The following KDM5A variants were observed in gnomAD, a reference collection of about 807,000 sequenced individuals.
The protein encoded by KDM5A is lysine demethylase 5A.
A neutral mutation model predicts 193.5 loss-of-function variants in KDM5A; 42 were observed. The observed-to-expected ratio is 0.22, with a 90% CI of 0.17 to 0.28. KDM5A has a LOEUF of 0.28. Ranked by LOEUF, KDM5A falls within the 10% of genes least tolerant of loss-of-function variation. The pLI is 1.00. For missense variants in KDM5A, 1,692 were observed against 2,055.1 expected, an observed-to-expected ratio of 0.82 and a Z score of 3.42; for synonymous variants, 796 against 718.1, an observed-to-expected ratio of 1.11 and a Z score of -1.73.
chr12:373,761 G>C (rs1425256544), intron 3 of KDM5A, among the ~76,000 whole-genome samples: 1 of 152,206 alleles, frequency 6.6e-6, no homozygotes. Flanking sequence ...ATGTGTCCCA[G>C]ACATTCTGGT....
intron 19 of KDM5A, among the ~76,000 whole-genome samples, chr12:316,403 C>T (rs1943651148): frequency 6.6e-6 from 1 of 152,156 alleles, no homozygotes; most frequent in African/African-American, 2.4e-5. Flanking sequence ...GGTTCTCCAT[C>T]AATACTTACC....
At chr12:368,218 T>C (rs1051819148) in intron 3 of KDM5A, among the ~76,000 whole-genome samples, 1 of 152,152 alleles carries the variant, frequency 6.6e-6, no homozygotes, top group Non-Finnish European at 1.5e-5. Context: ...AGCAAATTCA[T>C]AGAGACAGAA....
chr12:295,288 G>T (rs1322099700), intron 26 of KDM5A, among the ~76,000 whole-genome samples: 1 of 81,344 alleles, frequency 1.2e-5, no homozygotes, highest in African/African-American at 4.3e-5. Context: ...AAGGAAAGAA[G>T]AAAAAAGAAA....
chr12:360,336 G>A lies in KDM5A; in HGVS notation c.672+2627C>T, dbSNP rs529984709. ...CAGGCAGTACTTGAAATCACATGCA[G>A]ATGAGACAGCTAAGGAGAGTGAAGA... is the stretch of plus-strand genomic sequence containing the variant. On this transcript the variant is annotated intron_variant, in intron 5 of 27. Transcript: ENST00000399788. Among the ~76,000 whole-genome samples, 118 of 152,138 alleles carry A rather than the reference G, an allele frequency of 7.8e-4. 1 individual carries two copies. The highest frequency in any genetic ancestry group is 3.7e-3 in the South Asian group (18 of 4,818).
intron 10 of KDM5A, among the ~76,000 whole-genome samples, chr12:349,330 CTTTT>C (rs749540223): frequency 2.5e-5 from 3 of 117,690 alleles, no homozygotes; most frequent in Non-Finnish European, 5.2e-5. Flanking sequence ...ATCTTCTAGA[CTTTT>C]TTTTTTTTTT....
chr12:375,211 A>G (rs913819007), intron 3 of KDM5A, among the ~76,000 whole-genome samples: 2 of 152,162 alleles, frequency 1.3e-5, no homozygotes, highest in Non-Finnish European at 2.9e-5. Flanking sequence ...TTTCAGGTAC[A>G]CCAATCAGAC....
intron 1 of KDM5A, 25 bp downstream of exon 1, chr12:388,902 C>T: frequency 6.2e-7 from 1 of 1,613,638 alleles, no homozygotes; most frequent in Non-Finnish European, 8.5e-7. Flanking sequence ...TCCTTCTCCC[C>T]CTCTCTCTTC....
At chr12:331,411 A>T (rs983448266) in intron 13 of KDM5A, among the ~76,000 whole-genome samples, 2 of 152,238 alleles carry the variant, frequency 1.3e-5, no homozygotes, top group African/African-American at 4.8e-5. Context: ...AGGATTCAGA[A>T]AGAATCGACT....
In KDM5A at chr12:384,135, A is replaced by T. The variant is rs781601677; in HGVS notation, c.262T>A (p.Leu88Met). 6.3e-7 allele frequency: 1 copy of T among 1,595,216 alleles called. No individual in the cohort carries two copies. Among genetic ancestry groups the T allele is most frequent in the African/African-American group, 1.3e-5 (1 of 74,516 alleles). The change falls in exon 3 of 28, where the codon TTG (leucine) becomes ATG (methionine). Residue 88 changes from leucine to methionine, a missense_variant. Coordinates refer to ENST00000399788, the MANE Select transcript of KDM5A (RefSeq NM_001042603.3). ...NELEAMTRVRLDFLDQLAKFW... is the reference protein window; with the variant it reads ...NELEAMTRVRMDFLDQLAKFW... ...TTTGCTAGTTGATCCAAGAAATCCA[A>T]TCTCACTCTGGTCATTGCCTAAGAT...
chr12:309,639 A>T (rs1943555435), intron 22 of KDM5A, among the ~76,000 whole-genome samples, 164 bp downstream of exon 22: 3 of 152,254 alleles, frequency 2.0e-5, no homozygotes, highest in Non-Finnish European at 4.4e-5. Flanking sequence ...AACTTTTTGT[A>T]TATCTTGATT....
chr12:295,348 AAGAAAG>A (rs1321312752), intron 26 of KDM5A, among the ~76,000 whole-genome samples: 1 of 151,458 alleles, frequency 6.6e-6, no homozygotes, highest in Non-Finnish European at 1.5e-5. Context: ...AAGAGAGAGA[AAGAAAG>A]AGAAAGAGAG....
At position 341,911 on chromosome 12, in the gene KDM5A, A is replaced by G. The variant is rs76267739; in HGVS notation, c.1309-7489T>C. ...AAGACTCTGTCTCCAAAAAAAAAAA[A>G]AGAGAGAGAGAGAAATGGGGGGAAA... is the stretch of plus-strand genomic sequence containing the variant. On this transcript the variant is annotated intron_variant, in intron 10 of 27. Transcript: ENST00000399788. Among the ~76,000 whole-genome samples the G allele has an allele frequency of 5.4e-3, 776 of 143,330 alleles. 4 individuals are homozygous for G. Among genetic ancestry groups the G allele is most frequent in the Non-Finnish European group, 8.8e-3 (576 of 65,442 alleles). The allele number at this position is 143,330 out of a possible 152,430, so 94.0% of individuals were successfully genotyped here.
intron 10 of KDM5A, among the ~76,000 whole-genome samples, chr12:345,489 T>C (rs994353175): frequency 6.6e-6 from 1 of 152,170 alleles, no homozygotes; most frequent in Non-Finnish European, 1.5e-5. Context: ...ATTGCACTTA[T>C]TCTAAAATTG....
chr12:291,397 G>A (rs1166628584), intron 27 of KDM5A, among the ~76,000 whole-genome samples: 7 of 152,144 alleles, frequency 4.6e-5, no homozygotes, highest in Admixed American at 3.9e-4. Context: ...ATGGGGTAAG[G>A]TGTTAGTGGA....
chr12:357,747 G>C (rs1944244560), intron 5 of KDM5A, among the ~76,000 whole-genome samples: 1 of 144,994 alleles, frequency 6.9e-6, no homozygotes, highest in Non-Finnish European at 1.5e-5. Context: ...AGAATTACTT[G>C]AACCCAGGAG....
chr12:351,450 A>G (rs1944157088), intron 9 of KDM5A, among the ~76,000 whole-genome samples: 1 of 152,208 alleles, frequency 6.6e-6, no homozygotes, highest in Admixed American at 6.5e-5. Flanking sequence ...TTCTTCATCC[A>G]GTCTATCATT....
rs1164527556 is a variant in KDM5A, at chr12:354,249, AT to A, written c.871-16del. 14 of 1,561,980 alleles carry A rather than the reference AT, an allele frequency of 9.0e-6. No homozygotes were observed. Among genetic ancestry groups the A allele is most frequent in the African/African-American group, 6.8e-5 (5 of 73,420 alleles). On this transcript the variant is annotated splice_polypyrimidine_tract_variant and intron_variant, in intron 7 of 27. Transcript: ENST00000399788. Reference sequence around the variant, plus strand: ...TAGAGATCAACCTGTTAAAAAAAAAATAAATGAAAGTCTATTTTCTATAATA... The same window carrying A: ...TAGAGATCAACCTGTTAAAAAAAAAAAAATGAAAGTCTATTTTCTATAATA...
chr12:333,903 C>G (rs932631421), intron 11 of KDM5A, among the ~76,000 whole-genome samples: 1 of 152,112 alleles, frequency 6.6e-6, no homozygotes, highest in Non-Finnish European at 1.5e-5. Context: ...CTCTGTAAGG[C>G]GGATCAGTGA....
At chr12:379,334 A>C (rs1007218263) in intron 3 of KDM5A, among the ~76,000 whole-genome samples, 1 of 152,242 alleles carries the variant, frequency 6.6e-6, no homozygotes, top group Non-Finnish European at 1.5e-5. Flanking sequence ...AATGAAATAA[A>C]TAGTCACCCA....
Sources: gnomAD v4.1 joint callset for allele counts (sites outside exome capture counted in the v4.1 genomes callset) on GRCh38, gnomAD v4.1.1 for gene constraint, MANE v1.5 for transcripts, NCBI Gene and HGNC (gene_info 2026-07-23, HGNC 2026-07-21) for gene names.